RYR2: variants seen among roughly 807,000 people sequenced by gnomAD.
The protein encoded by RYR2 is ryanodine receptor 2, also known as cardiac muscle ryanodine receptor-calcium release channel.
In RYR2, 227 loss-of-function variants were observed where a neutral mutation model predicts 601.1. The ratio of observed to expected loss-of-function variants is 0.38; its 90% CI spans 0.34 to 0.42. The LOEUF is 0.42. RYR2 is among the 10% of genes least tolerant of loss of function. The pLI is 1.00. For synonymous variants in RYR2, 2,223 were observed against 2,175.1 expected (o/e 1.02, Z -0.61); for missense variants, 4,646 against 6,156.5 (o/e 0.75, Z 8.21).
chr1:237,274,702 C>A (rs973638573), intron 2 of RYR2, among the ~76,000 whole-genome samples: 1 of 152,140 alleles, frequency 6.6e-6, no homozygotes, highest in African/African-American at 2.4e-5. Flanking sequence ...CACTGACTCA[C>A]CAGAGTAACT....
intron 10 of RYR2, among the ~76,000 whole-genome samples, chr1:237,410,653 A>G (rs1262708492): frequency 6.6e-6 from 1 of 152,120 alleles, no homozygotes; most frequent in Non-Finnish European, 1.5e-5. Flanking sequence ...GGCTCGCAAA[A>G]CCGAAAATAT....
At chr1:237,303,405 T>G in intron 2 of RYR2, among the ~76,000 whole-genome samples, 1 of 150,132 alleles carries the variant, frequency 6.7e-6, no homozygotes, top group Middle Eastern at 3.3e-3. Context: ...GTTCAAGTGA[T>G]TCTCCTGCCT....
intron 45 of RYR2, 102 bp downstream of exon 45, chr1:237,638,594 G>T: frequency 1.6e-6 from 2 of 1,249,094 alleles, no homozygotes; most frequent in Non-Finnish European, 2.2e-6. Flanking sequence ...TATTAGTAAA[G>T]AAATCACATA....
chr1:237,105,936 G>A, intron 1 of RYR2, among the ~76,000 whole-genome samples: 1 of 152,030 alleles, frequency 6.6e-6, no homozygotes, highest in African/African-American at 2.4e-5. Context: ...TAGCAGGGGA[G>A]TTAGTTCATG....
At chr1:237,399,096 G>A (rs1251411153) in intron 10 of RYR2, among the ~76,000 whole-genome samples, 1 of 152,162 alleles carries the variant, frequency 6.6e-6, no homozygotes, top group Non-Finnish European at 1.5e-5. Context: ...ACAGGAGCCT[G>A]AGGCAGTAGA....
At chr1:237,374,638 T>A in intron 6 of RYR2, 79 bp from the exon 7 acceptor site, 2 of 1,218,208 alleles carry the variant, frequency 1.6e-6, no homozygotes, top group African/African-American at 1.5e-5. Context: ...CAGCCTGAGC[T>A]ACAGAGCAAC....
intron 2 of RYR2, among the ~76,000 whole-genome samples, chr1:237,328,367 C>T (rs187473831): frequency 6.6e-6 from 1 of 152,146 alleles, no homozygotes; most frequent in African/African-American, 2.4e-5. Flanking sequence ...GTATGTATTC[C>T]TAAATTCCAG....
chr1:237,121,034 G>GTA (rs1464446633), intron 1 of RYR2: 3 of 151,484 alleles, frequency 2.0e-5, no homozygotes, highest in African/African-American at 7.3e-5. Flanking sequence ...AAAATGCTGT[G>GTA]TGTGTGTGTG....
At chr1:237,803,311 C>T (rs905028409) in intron 98 of RYR2, among the ~76,000 whole-genome samples, 2 of 147,970 alleles carry the variant, frequency 1.4e-5, no homozygotes, top group Non-Finnish European at 3.0e-5. Context: ...TTGCATTTTT[C>T]TTTTTTTTTT....
intron 1 of RYR2, among the ~76,000 whole-genome samples, chr1:237,059,153 G>T (rs928094294): frequency 2.6e-5 from 4 of 152,056 alleles, no homozygotes; most frequent in East Asian, 1.9e-4. Flanking sequence ...GATCATTTCC[G>T]CATTTCCCTC....
chr1:237,424,830 AT>A (rs1705981647), intron 12 of RYR2, among the ~76,000 whole-genome samples: 1 of 152,202 alleles, frequency 6.6e-6, no homozygotes, highest in Admixed American at 6.5e-5. Context: ...ATAAATATTT[AT>A]TGAACTTTGA....
intron 4 of RYR2, among the ~76,000 whole-genome samples, chr1:237,359,033 A>AGTAC (rs1477600458): frequency 6.6e-6 from 1 of 152,168 alleles, no homozygotes; most frequent in African/African-American, 2.4e-5. Context: ...GGGACGTGAT[A>AGTAC]GTACAGGTGC....
At chr1:237,110,603 C>T (rs1332880722) in intron 1 of RYR2, among the ~76,000 whole-genome samples, 1 of 152,070 alleles carries the variant, frequency 6.6e-6, no homozygotes, top group Non-Finnish European at 1.5e-5. Flanking sequence ...ATGCTGATGC[C>T]TCTGGTTTGG....
At chr1:237,190,159 G>A (rs1220990158) in intron 1 of RYR2, among the ~76,000 whole-genome samples, 1 of 152,066 alleles carries the variant, frequency 6.6e-6, no homozygotes, top group African/African-American at 2.4e-5. Flanking sequence ...AAAGTGCTGG[G>A]ATAACAGGCT....
chr1:237,360,226 A>G (rs746081613), intron 4 of RYR2, among the ~76,000 whole-genome samples: 45 of 152,180 alleles, frequency 3.0e-4, no homozygotes, highest in Non-Finnish European at 6.3e-4. Flanking sequence ...GCAATTTTTT[A>G]TGTGTAGGTG....
chr1:237,367,793 A>G (rs1700322720), intron 5 of RYR2, among the ~76,000 whole-genome samples: 1 of 152,124 alleles, frequency 6.6e-6, no homozygotes, highest in Non-Finnish European at 1.5e-5. Flanking sequence ...ACACCTTGTG[A>G]TTATATACCA....
intron 12 of RYR2, among the ~76,000 whole-genome samples, chr1:237,439,917 T>C (rs1707752292): frequency 6.6e-6 from 1 of 152,192 alleles, no homozygotes. Context: ...TTAATTTTTC[T>C]ATTGACAGGG....
intron 24 of RYR2, among the ~76,000 whole-genome samples, chr1:237,512,340 A>G (rs1461739252): frequency 1.3e-5 from 2 of 152,248 alleles, no homozygotes; most frequent in Admixed American, 6.5e-5. Flanking sequence ...TATTAAAAGA[A>G]AATTAGTTCT....
intron 1 of RYR2, among the ~76,000 whole-genome samples, chr1:237,065,316 G>A (rs1489029686): frequency 1.5e-5 from 2 of 133,448 alleles, no homozygotes; most frequent in Admixed American, 8.0e-5. Flanking sequence ...GTCTTGCATT[G>A]TCGCCCAGGC....
Sources: gnomAD v4.1 joint callset for allele counts (sites outside exome capture counted in the v4.1 genomes callset) on GRCh38, gnomAD v4.1.1 for gene constraint, MANE v1.5 for transcripts, NCBI Gene and HGNC (gene_info 2026-07-23, HGNC 2026-07-21) for gene names.